The following CTNNA1 variants were observed in gnomAD, a reference collection of about 807,000 sequenced individuals.
CTNNA1 encodes catenin alpha 1, also known as catenin alpha-1.
In CTNNA1, 37 loss-of-function variants were observed where a neutral mutation model predicts 98.4. The observed-to-expected ratio is 0.38, with a 90% CI of 0.29 to 0.49. CTNNA1 has a LOEUF of 0.49. Ranked by LOEUF, CTNNA1 falls within the 20% of genes least tolerant of loss-of-function variation. CTNNA1 has a pLI of 0.95. For synonymous variants in CTNNA1, 404 were observed against 413.2 expected (o/e 0.98, Z 0.27); for missense variants, 761 against 1,147.2 (o/e 0.66, Z 4.86).
intron 7 of CTNNA1, among the ~76,000 whole-genome samples, chr5:138,844,135 CATTTTAAAAATTTAAAAATTTTTAAA>C (rs557241856): frequency 1.3e-5 from 2 of 151,776 alleles, no homozygotes; most frequent in African/African-American, 4.8e-5. Context: ...ATAGGCAGAG[CATTTTAAAAATTTAAAAATTTTTAAA>C]ATTTTAAAAA....
At chr5:138,895,053 G>A (rs1165887619) in intron 9 of CTNNA1, among the ~76,000 whole-genome samples, 1 of 151,788 alleles carries the variant, frequency 6.6e-6, no homozygotes, top group African/African-American at 2.4e-5. Flanking sequence ...TATTTGTCTG[G>A]CCCCCACCCC....
intron 7 of CTNNA1, chr5:138,875,560 T>G: frequency 1.0e-6 from 1 of 985,396 alleles, no homozygotes; most frequent in Non-Finnish European, 1.2e-6. Context: ...GCAGTGAGGT[T>G]GTAATAAAGG....
intron 9 of CTNNA1, among the ~76,000 whole-genome samples, chr5:138,897,308 C>CG (rs1554102489): frequency 1.1e-5 from 1 of 87,154 alleles, no homozygotes; most frequent in Non-Finnish European, 2.4e-5. Context: ...CCCCCCCCCC[C>CG]GCCCCCGCCC....
intron 7 of CTNNA1, among the ~76,000 whole-genome samples, chr5:138,835,739 T>C (rs542581099): frequency 6.6e-6 from 1 of 152,350 alleles, no homozygotes; most frequent in East Asian, 1.9e-4. Context: ...ATCTGTTATC[T>C]TAGAGTTACC....
chr5:138,787,424 A>G (rs1755829881), intron 3 of CTNNA1, among the ~76,000 whole-genome samples: 1 of 152,230 alleles, frequency 6.6e-6, no homozygotes. Context: ...TCTCCAAAAA[A>G]AAAAAAGGTC....
chr5:138,869,717 TA>T, intron 7 of CTNNA1: 2 of 152,746 alleles, frequency 1.3e-5, no homozygotes, highest in Middle Eastern at 3.4e-3. Context: ...AGCATTAGAA[TA>T]AGCAGATGGA....
chr5:138,930,935 TGTAA>T lies in CTNNA1; in HGVS notation c.2298+3_2298+6del. 6.2e-7 allele frequency: 1 copy of T among 1,608,874 alleles called. No individual in the cohort carries two copies. The highest frequency in any genetic ancestry group is 8.5e-7 in the Non-Finnish European group (1 of 1,175,218). ...AGCTTGGCCGCACCATTGCAGACCATGTAAGTGACAGACTTGCCAGGTGGGTCTC... is the reference window on the plus strand; with the variant it reads ...AGCTTGGCCGCACCATTGCAGACCATGTGACAGACTTGCCAGGTGGGTCTC... On this transcript the variant is annotated splice_donor_variant and splice_donor_region_variant and intron_variant, in intron 16 of 17. Coordinates refer to ENST00000302763, the MANE Select transcript of CTNNA1 (RefSeq NM_001903.5). LOFTEE classifies it high-confidence loss of function.
intron 1 of CTNNA1, among the ~76,000 whole-genome samples, chr5:138,776,439 G>C (rs764559383): frequency 1.1e-4 from 17 of 152,154 alleles, no homozygotes; most frequent in Non-Finnish European, 1.8e-4. Flanking sequence ...TCCCGTGTCT[G>C]CCTCTTTCTA....
At chr5:138,925,839 G>A (rs1327598389) in intron 13 of CTNNA1, among the ~76,000 whole-genome samples, 1 of 152,204 alleles carries the variant, frequency 6.6e-6, no homozygotes, top group African/African-American at 2.4e-5. Context: ...GTTGGGGGGA[G>A]GAGCGGCCCC....
intron 7 of CTNNA1, chr5:138,871,748 A>G (rs1750649900): frequency 6.6e-6 from 1 of 152,202 alleles, no homozygotes; most frequent in South Asian, 2.1e-4. Flanking sequence ...CATGAGATTC[A>G]TCTCAGTGGT....
chr5:138,903,179 C>T (rs1291887156), intron 9 of CTNNA1, among the ~76,000 whole-genome samples: 1 of 151,996 alleles, frequency 6.6e-6, no homozygotes, highest in African/African-American at 2.4e-5. Flanking sequence ...TTTGTTTCTC[C>T]TTGTGTTTGG....
chr5:138,845,648 T>C (rs1762647207), intron 7 of CTNNA1, among the ~76,000 whole-genome samples: 1 of 152,208 alleles, frequency 6.6e-6, no homozygotes. Flanking sequence ...GGTCCCCCTT[T>C]TCATAAACAG....
At chr5:138,788,107 C>CTTTGTTTA (rs1326192736) in intron 3 of CTNNA1, among the ~76,000 whole-genome samples, 10 of 152,136 alleles carry the variant, frequency 6.6e-5, no homozygotes, top group African/African-American at 1.9e-4. Flanking sequence ...CCCGTATCCC[C>CTTTGTTTA]CCATCCTTAT....
chr5:138,876,589 A>G (rs76852088), intron 7 of CTNNA1, among the ~76,000 whole-genome samples: 1,780 of 152,336 alleles, frequency 0.012, 29 homozygotes, highest in African/African-American at 0.041. Context: ...TATTTCTCCC[A>G]TATCATTGGC....
intron 5 of CTNNA1, among the ~76,000 whole-genome samples, chr5:138,823,754 G>A (rs547854098): frequency 4.7e-4 from 72 of 151,618 alleles, no homozygotes; most frequent in African/African-American, 1.7e-3. Flanking sequence ...TCAGGAGATC[G>A]AGGCCATCCC....
chr5:138,892,814 C>G (rs1036872603), intron 9 of CTNNA1, among the ~76,000 whole-genome samples: 1 of 151,532 alleles, frequency 6.6e-6, no homozygotes, highest in Non-Finnish European at 1.5e-5. Context: ...GTCAGGAGTT[C>G]GAGACCAGCC....
intron 5 of CTNNA1, among the ~76,000 whole-genome samples, chr5:138,819,033 T>G (rs1379360545): frequency 6.6e-6 from 1 of 150,824 alleles, no homozygotes; most frequent in African/African-American, 2.4e-5. Context: ...GAGGTTATGA[T>G]TCTTTCCTTA....
chr5:138,753,597 C>A, intron 1 of CTNNA1, 87 bp downstream of exon 1: 1 of 336,160 alleles, frequency 3.0e-6, no homozygotes, highest in Non-Finnish European at 5.3e-6. Flanking sequence ...AGCTGGGCCC[C>A]GCGAGCCGCG....
At chr5:138,822,364 A>G (rs1760129306) in intron 5 of CTNNA1, among the ~76,000 whole-genome samples, 1 of 152,240 alleles carries the variant, frequency 6.6e-6, no homozygotes, top group Non-Finnish European at 1.5e-5. Flanking sequence ...AATAGTAATT[A>G]TGGCACCTGC....
Sources: gnomAD v4.1 joint callset for allele counts (sites outside exome capture counted in the v4.1 genomes callset) on GRCh38, gnomAD v4.1.1 for gene constraint, MANE v1.5 for transcripts, NCBI Gene and HGNC (gene_info 2026-07-23, HGNC 2026-07-21) for gene names.